Variants in RASGRP3 observed in about 807,000 individuals in gnomAD.
RASGRP3 encodes RAS guanyl releasing protein 3.
Under a neutral mutation model 82.7 loss-of-function variants are expected in RASGRP3, and 54 were observed. That is an observed-to-expected ratio of 0.65 (90% CI 0.52 to 0.82). The LOEUF is 0.82. RASGRP3 is among the 40% of genes least tolerant of loss of function. The pLI is 0.00. For missense variants in RASGRP3, 861 were observed against 828.9 expected (o/e 1.04, Z -0.48); for synonymous variants, 309 against 300.5 (o/e 1.03, Z -0.29).
chr2:33,469,808 T>C lies in RASGRP3; in HGVS notation c.-261+21865T>C, dbSNP rs184679010. ...TTTAGTCTAACATGCTTTTACTTTGTGTATGGCATGAAGTAATGATTGCAT... is the reference window on the plus strand; with the variant it reads ...TTTAGTCTAACATGCTTTTACTTTGCGTATGGCATGAAGTAATGATTGCAT... On this transcript the variant is annotated intron_variant, in intron 2 of 18. Coordinates refer to the RASGRP3 transcript ENST00000402538. Among the ~76,000 whole-genome samples, 215 of 152,346 alleles carry C rather than the reference T, an allele frequency of 1.4e-3. 3 individuals are homozygous for C. In the South Asian group the frequency reaches 0.014, roughly 10 times the overall value.
At chr2:33,470,235 A>G (rs1666975548) in intron 2 of RASGRP3, among the ~76,000 whole-genome samples, 2 of 152,160 alleles carry the variant, frequency 1.3e-5, no homozygotes, top group Admixed American at 1.3e-4. Context: ...GTTTTCCAGT[A>G]CAGAAAAACT....
intron 2 of RASGRP3, chr2:33,514,067 G>A (rs1031763414): frequency 9.2e-5 from 14 of 152,126 alleles, no homozygotes; most frequent in African/African-American, 3.1e-4. Flanking sequence ...CTGTAAACTG[G>A]GAATAATAAT....
chr2:33,470,380 A>AT lies in RASGRP3; in HGVS notation c.-261+22454dup, dbSNP rs34404371. Among the ~76,000 whole-genome samples the AT allele has an allele frequency of 9.5e-3, 1,255 of 132,238 alleles. 19 individuals carry two copies. The highest frequency in any genetic ancestry group is 0.033 in the African/African-American group (1,151 of 35,116). The allele number at this position is 132,238 out of a possible 152,430, so 86.8% of individuals were successfully genotyped here. On this transcript the variant is annotated intron_variant, in intron 2 of 18. Transcript: ENST00000402538. Reference sequence around the variant, plus strand: ...ATTATAAATAATACTATAACTAAGAATTTTTTTTTTTTTTTTTGAGATGGA... The same window carrying AT: ...ATTATAAATAATACTATAACTAAGAATTTTTTTTTTTTTTTTTTGAGATGGA...
chr2:33,521,941 C>G lies in RASGRP3; in HGVS notation c.369-14C>G, dbSNP rs772274750. ...GCTTTCAACACATTGACCGGACTCA[C>G]TCTTCTTTTATAGTCCTTCCTATGA... On this transcript the variant is annotated splice_polypyrimidine_tract_variant and intron_variant, in intron 6 of 17. Coordinates refer to ENST00000403687, the MANE Select transcript of RASGRP3 (RefSeq NM_001139488.2). 1 of 1,601,430 alleles carries G rather than the reference C, an allele frequency of 6.2e-7. No individual in the cohort carries two copies. Among genetic ancestry groups the G allele is most frequent in the Non-Finnish European group, 8.5e-7 (1 of 1,176,188 alleles).
chr2:33,524,114 A>T, intron 8 of RASGRP3, 62 bp downstream of exon 8: 1 of 1,552,504 alleles, frequency 6.4e-7, no homozygotes, highest in Non-Finnish European at 8.8e-7. Flanking sequence ...TGTTGAGAAA[A>T]GTCATTGAGG....
At chr2:33,470,838 C>A (rs940282608) in intron 2 of RASGRP3, among the ~76,000 whole-genome samples, 2 of 152,028 alleles carry the variant, frequency 1.3e-5, no homozygotes, top group South Asian at 4.1e-4. Context: ...TATTTAGAAG[C>A]AAATTTTAGT....
upstream of RASGRP3, among the ~76,000 whole-genome samples, chr2:33,475,684 A>C (rs558227643): frequency 2.6e-5 from 4 of 152,334 alleles, no homozygotes; most frequent in African/African-American, 9.6e-5. Context: ...CAGATACTTC[A>C]AGGGCTTTCC....
At chr2:33,451,981 C>G (rs990047788) in intron 2 of RASGRP3, among the ~76,000 whole-genome samples, 1 of 151,874 alleles carries the variant, frequency 6.6e-6, no homozygotes, top group African/African-American at 2.4e-5. Flanking sequence ...CTCACTGATT[C>G]TTTTTTCTGC....
intron 2 of RASGRP3, among the ~76,000 whole-genome samples, chr2:33,457,434 A>G (rs1666098776): frequency 1.3e-5 from 2 of 152,256 alleles, no homozygotes; most frequent in Admixed American, 1.3e-4. Context: ...TGTTTTTTTC[A>G]GCCCACTTTT....
chr2:33,507,982 G>A (rs866906041), intron 1 of RASGRP3, among the ~76,000 whole-genome samples: 1 of 152,216 alleles, frequency 6.6e-6, no homozygotes, highest in East Asian at 1.9e-4. Flanking sequence ...CATGGAGAAG[G>A]GAAAGAAGTG....
At chr2:33,454,164 C>T (rs2008255) in intron 2 of RASGRP3, among the ~76,000 whole-genome samples, 122,011 of 151,790 alleles carry the variant, frequency 0.8, 49,199 homozygotes, top group Middle Eastern at 0.84. Flanking sequence ...GGTTTGGTTT[C>T]TTTTGAAGTT....
intron 1 of RASGRP3, among the ~76,000 whole-genome samples, chr2:33,486,164 ATTTT>A (rs11288449): frequency 7.4e-6 from 1 of 135,622 alleles, no homozygotes; most frequent in African/African-American, 2.7e-5. Flanking sequence ...TCTTTTATTT[ATTTT>A]TTTTTTTTTT....
chr2:33,521,914 G>T, intron 6 of RASGRP3, 41 bp from the exon 7 acceptor site: 1 of 1,573,506 alleles, frequency 6.4e-7, no homozygotes, highest in South Asian at 1.2e-5. Flanking sequence ...TGAGTGAAAT[G>T]GGCTTTCAAC....
chr2:33,541,953 T>C (rs1257597220), intron 12 of RASGRP3, among the ~76,000 whole-genome samples: 1 of 146,866 alleles, frequency 6.8e-6, no homozygotes, highest in Non-Finnish European at 1.5e-5. Flanking sequence ...TTAAACTATA[T>C]AATACACTAG....
rs781152306 is a variant in RASGRP3, at chr2:33,520,009, C to T, written c.231C>T (p.Phe77=). ...CNEFRLKICY[F]MRYWILKFPA... ...AATTTCGATTAAAGATCTGCTACTT[C>T]ATGAGGTAAATATATTTACAAATTT... Residue 77 remains phenylalanine, a synonymous_variant, in exon 5 of 18, where the codon TTC becomes TTT. Transcript: ENST00000403687. 12 of 1,600,958 alleles carry T rather than the reference C, an allele frequency of 7.5e-6. No homozygotes were observed. The highest frequency in any genetic ancestry group is 1.0e-5 in the Non-Finnish European group (12 of 1,171,798).
chr2:33,538,231 G>A (rs1317551953), intron 11 of RASGRP3, among the ~76,000 whole-genome samples: 1 of 152,140 alleles, frequency 6.6e-6, no homozygotes, highest in Non-Finnish European at 1.5e-5. Flanking sequence ...GTCTGGATGT[G>A]GTGACTCACA....
At chr2:33,436,427 A>T (rs560054707) in exon 1 of RASGRP3, 13 of 152,222 alleles carry the variant, frequency 8.5e-5, no homozygotes, top group African/African-American at 3.1e-4. Flanking sequence ...TTCTCTCCTC[A>T]CTTTTGAACT....
chr2:33,440,105 G>A (rs1202597534), intron 1 of RASGRP3, among the ~76,000 whole-genome samples: 4 of 152,154 alleles, frequency 2.6e-5, no homozygotes, highest in Non-Finnish European at 4.4e-5. Context: ...GTTAGTGAGA[G>A]GGATGGGGAT....
At chr2:33,558,170 C>A in intron 15 of RASGRP3, 41 bp from the exon 16 acceptor site, 1 of 1,595,366 alleles carries the variant, frequency 6.3e-7, no homozygotes, top group East Asian at 2.3e-5. Context: ...GAATCAACAT[C>A]AGACACACTA....
Sources: allele counts gnomAD v4.1 joint callset (sites outside exome capture counted in the v4.1 genomes callset), GRCh38; gene constraint gnomAD v4.1.1; transcripts MANE v1.5; gene names NCBI Gene and HGNC (gene_info 2026-07-23, HGNC 2026-07-21).